ERBB4: variants seen among roughly 807,000 people sequenced by gnomAD.
The protein encoded by ERBB4 is receptor tyrosine-protein kinase erbB-4.
Under a neutral mutation model 158.0 loss-of-function variants are expected in ERBB4, and 42 were observed. The observed-to-expected ratio is 0.27, with a 90% confidence interval of 0.21 to 0.34. The LOEUF (loss-of-function observed/expected upper bound fraction) is 0.34, where lower values mean the gene tolerates loss of function less well. Among genes scored for constraint, ERBB4 ranks in the 10% least tolerant of loss-of-function variants. The pLI, the probability that ERBB4 is intolerant of heterozygous loss-of-function variation, is 1.00. For synonymous variants in ERBB4, 583 were observed against 558.7 expected, an observed-to-expected ratio of 1.04 and a Z score of -0.61; for missense variants, 1,333 against 1,624.1, an observed-to-expected ratio of 0.82 and a Z score of 3.08.
intron 1 of ERBB4, among the ~76,000 whole-genome samples, chr2:212,206,589 C>CTTGTTTTTTTTTTTT (rs2082754421): frequency 1.7e-5 from 2 of 116,450 alleles, no homozygotes; most frequent in Non-Finnish European, 3.6e-5. Context: ...CTGTTCTGTT[C>CTTGTTTTTTTTTTTT]TTTTTTTTTT....
chr2:212,513,001 G>A (rs965810431), intron 1 of ERBB4, among the ~76,000 whole-genome samples: 8 of 151,908 alleles, frequency 5.3e-5, no homozygotes, highest in South Asian at 4.2e-4. Flanking sequence ...AACATCCTCC[G>A]CACCACTTTT....
At chr2:212,058,518 G>A (rs2077654577) in intron 2 of ERBB4, among the ~76,000 whole-genome samples, 1 of 152,160 alleles carries the variant, frequency 6.6e-6, no homozygotes, top group African/African-American at 2.4e-5. Context: ...TATCCCTGAT[G>A]AACATCAATG....
chr2:212,526,035 T>C (rs1231236700), intron 1 of ERBB4, among the ~76,000 whole-genome samples: 1 of 152,096 alleles, frequency 6.6e-6, no homozygotes, highest in Non-Finnish European at 1.5e-5. Flanking sequence ...GTTCTCCTTT[T>C]TTTTCATTAA....
chr2:211,534,196 G>C (rs2066581660), intron 20 of ERBB4, among the ~76,000 whole-genome samples: 1 of 152,062 alleles, frequency 6.6e-6, no homozygotes, highest in Non-Finnish European at 1.5e-5. Flanking sequence ...TAAGTGTACT[G>C]GTTGGGTGAC....
At position 212,030,881 on chromosome 2, in the gene ERBB4, T is replaced by C. The variant is rs1673585620; in HGVS notation, c.235-83265A>G. ...AATTGAGCCAGCCGTCATGGTATTGTAAATACAGTACTAAAAAGACATGGG... is the reference window on the plus strand; with the variant it reads ...AATTGAGCCAGCCGTCATGGTATTGCAAATACAGTACTAAAAAGACATGGG... On this transcript the variant is annotated intron_variant, in intron 2 of 27. Transcript: ENST00000342788. Among the ~76,000 whole-genome samples, 5 of 152,148 alleles carry C rather than the reference T, an allele frequency of 3.3e-5. No individual in the cohort carries two copies. In the South Asian group the frequency reaches 1.0e-3, roughly 32 times the overall value.
chr2:212,513,680 C>G (rs545752309), intron 1 of ERBB4, among the ~76,000 whole-genome samples: 34 of 152,124 alleles, frequency 2.2e-4, no homozygotes, highest in East Asian at 5.8e-4. Context: ...GCGTAGTGGC[C>G]AGCGCCTGTA....
intron 4 of ERBB4, among the ~76,000 whole-genome samples, chr2:211,770,223 T>G (rs1434972210): frequency 6.6e-6 from 1 of 152,232 alleles, no homozygotes; most frequent in Non-Finnish European, 1.5e-5. Context: ...GTTCCTTGCT[T>G]TGTATTTTGT....
chr2:212,273,051 T>C (rs2085400280), intron 1 of ERBB4, among the ~76,000 whole-genome samples: 1 of 151,746 alleles, frequency 6.6e-6, no homozygotes, highest in Non-Finnish European at 1.5e-5. Flanking sequence ...GTTTACTGAC[T>C]AGGGAGGGCC....
chr2:211,971,008 A>G (rs1228967092), intron 2 of ERBB4, among the ~76,000 whole-genome samples: 1 of 152,104 alleles, frequency 6.6e-6, no homozygotes, highest in Non-Finnish European at 1.5e-5. Flanking sequence ...TGTAGTGGCT[A>G]CTAACAACCT....
At chr2:211,642,642 C>A (rs1460281698) in intron 16 of ERBB4, among the ~76,000 whole-genome samples, 1 of 152,014 alleles carries the variant, frequency 6.6e-6, no homozygotes, top group Non-Finnish European at 1.5e-5. Flanking sequence ...TAGAATTTTG[C>A]CACAAACACT....
At chr2:211,656,071 A>T (rs561831763) in intron 16 of ERBB4, among the ~76,000 whole-genome samples, 3 of 152,246 alleles carry the variant, frequency 2.0e-5, no homozygotes, top group Non-Finnish European at 4.4e-5. Context: ...AGCCAGATGC[A>T]TAGAATACAA....
intron 25 of ERBB4, among the ~76,000 whole-genome samples, chr2:211,397,099 A>G (rs2062936306): frequency 1.3e-5 from 2 of 152,146 alleles, no homozygotes; most frequent in Non-Finnish European, 2.9e-5. Context: ...TCTAGGCCAA[A>G]AAGAATATCA....
At chr2:211,681,853 A>C (rs1402047844) in intron 12 of ERBB4, among the ~76,000 whole-genome samples, 1 of 151,614 alleles carries the variant, frequency 6.6e-6, no homozygotes, top group East Asian at 1.9e-4. Flanking sequence ...CTTTTTTTTG[A>C]ATCATACTTT....
At chr2:212,314,378 A>G (rs1007453724) in intron 1 of ERBB4, among the ~76,000 whole-genome samples, 1 of 150,750 alleles carries the variant, frequency 6.6e-6, no homozygotes, top group African/African-American at 2.4e-5. Flanking sequence ...GTGAGTTAAC[A>G]GCATCCCAAA....
intron 1 of ERBB4, among the ~76,000 whole-genome samples, chr2:212,340,856 A>G (rs2088675461): frequency 6.6e-6 from 1 of 152,192 alleles, no homozygotes; most frequent in Non-Finnish European, 1.5e-5. Context: ...ATATTTGTCT[A>G]TTCGATGCTA....
Position 211,628,156 on chromosome 2 carries a change from G to A in ERBB4, c.2079+2306C>T, listed in dbSNP as rs1054081694. 6.8e-4 allele frequency among the ~76,000 whole-genome samples: 54 copies of A among 79,390 alleles called. 1 individual carries two copies. Among genetic ancestry groups the A allele is most frequent in the Non-Finnish European group, 8.8e-4 (32 of 36,394 alleles). 52.1% of individuals were successfully genotyped at this position (79,390 alleles called of 152,430 possible). A position where few individuals can be genotyped will look rare whatever the true frequency, so the allele number is the denominator to read the frequency against. On this transcript the variant is annotated intron_variant, in intron 17 of 27. Coordinates refer to ENST00000342788, the MANE Select transcript of ERBB4 (RefSeq NM_005235.3). ...CTAACATTTTTCTAAATCTGCCACT[G>A]AGATATTCTTTTTTTTTTTTAATTA...
chr2:212,140,474 C>G (rs1001643511), intron 1 of ERBB4, among the ~76,000 whole-genome samples: 2 of 145,846 alleles, frequency 1.4e-5, no homozygotes, highest in East Asian at 4.0e-4. Context: ...TAAATTTATA[C>G]TAGTTTTAAG....
chr2:212,473,388 T>G (rs1689212522), intron 1 of ERBB4, among the ~76,000 whole-genome samples: 1 of 152,030 alleles, frequency 6.6e-6, no homozygotes, highest in Non-Finnish European at 1.5e-5. Context: ...CAGCAGTTCA[T>G]AATACATCCC....
intron 2 of ERBB4, among the ~76,000 whole-genome samples, chr2:212,080,180 T>C (rs1330480688): frequency 3.3e-5 from 5 of 151,400 alleles, no homozygotes; most frequent in African/African-American, 1.2e-4. Context: ...GGTGTGGTGG[T>C]GCGTGCCTGT....
Sources: allele counts gnomAD v4.1 joint callset (sites outside exome capture counted in the v4.1 genomes callset), GRCh38; gene constraint gnomAD v4.1.1; transcripts MANE v1.5; gene names NCBI Gene and HGNC (gene_info 2026-07-23, HGNC 2026-07-21).